MACROD2: variants seen among roughly 807,000 people sequenced by gnomAD.
MACROD2 encodes mono-ADP ribosylhydrolase 2, also known as ADP-ribose glycohydrolase MACROD2.
Under a neutral mutation model 70.4 loss-of-function variants are expected in MACROD2, and 36 were observed. That is an observed-to-expected ratio of 0.51 (90% CI 0.39 to 0.68). The LOEUF (loss-of-function observed/expected upper bound fraction) is 0.68, where lower values mean the gene tolerates loss of function less well. MACROD2 is among the 30% of genes least tolerant of loss of function. MACROD2 has a pLI of 0.00. For synonymous variants in MACROD2, 172 were observed against 178.8 expected, an observed-to-expected ratio of 0.96 and a Z score of 0.30; for missense variants, 496 against 538.4, an observed-to-expected ratio of 0.92 and a Z score of 0.78.
At chr20:15,745,028 G>C (rs1488895742) in intron 8 of MACROD2, among the ~76,000 whole-genome samples, 1 of 152,120 alleles carries the variant, frequency 6.6e-6, no homozygotes, top group African/African-American at 2.4e-5. Context: ...ACTTTCCCCA[G>C]TCAATATTAC....
chr20:14,485,083 C>T (rs1191145778), intron 3 of MACROD2, among the ~76,000 whole-genome samples: 1 of 151,842 alleles, frequency 6.6e-6, no homozygotes, highest in African/African-American at 2.4e-5. Context: ...AATTTACATT[C>T]CCACCAACAG....
intron 5 of MACROD2, among the ~76,000 whole-genome samples, chr20:15,149,258 C>G (rs543429349): frequency 6.6e-6 from 1 of 151,946 alleles, no homozygotes; most frequent in African/African-American, 2.4e-5. Context: ...TAGATTTCCA[C>G]GATGCAAAGG....
At chr20:15,270,285 C>T (rs1463375251) in intron 6 of MACROD2, among the ~76,000 whole-genome samples, 1 of 151,288 alleles carries the variant, frequency 6.6e-6, no homozygotes, top group Non-Finnish European at 1.5e-5. Flanking sequence ...GAATACTACA[C>T]AACAATAAAA....
chr20:14,447,492 C>T (rs535347118), intron 3 of MACROD2, among the ~76,000 whole-genome samples: 5 of 152,122 alleles, frequency 3.3e-5, no homozygotes, highest in South Asian at 4.1e-4. Context: ...TATGTGTGTA[C>T]GTACACGTGT....
chr20:15,121,085 A>T (rs568219957), intron 5 of MACROD2, among the ~76,000 whole-genome samples: 1 of 152,304 alleles, frequency 6.6e-6, no homozygotes, highest in South Asian at 2.1e-4. Context: ...ATTCCATTTG[A>T]TACAGCTATT....
intron 12 of MACROD2, among the ~76,000 whole-genome samples, chr20:15,955,331 A>G (rs2065961504): frequency 6.6e-6 from 1 of 152,196 alleles, no homozygotes. Context: ...TTTAGGTCCA[A>G]TCAACATAAA....
chr20:14,702,595 ATGTGTG>A (rs1204065747), intron 5 of MACROD2, among the ~76,000 whole-genome samples: 26 of 426 alleles, frequency 0.061, no homozygotes, highest in Non-Finnish European at 0.091. Flanking sequence ...ATGTATATAT[ATGTGTG>A]TATATATATG....
At chr20:15,850,319 G>A (rs1201803084) in intron 8 of MACROD2, among the ~76,000 whole-genome samples, 1 of 152,158 alleles carries the variant, frequency 6.6e-6, no homozygotes, top group African/African-American at 2.4e-5. Flanking sequence ...TCAGTCTTTG[G>A]TTGAGGCTGC....
intron 5 of MACROD2, among the ~76,000 whole-genome samples, chr20:15,020,961 AATGTGTGTATACATATACAC>A (rs939095595): frequency 0.01 from 1,538 of 149,954 alleles, 30 homozygotes; most frequent in African/African-American, 0.036. Context: ...ATATATATGT[AATGTGTGTATACATATACAC>A]ATGTGTGTAT....
chr20:15,812,681 G>T (rs752098693), intron 8 of MACROD2, among the ~76,000 whole-genome samples: 2 of 152,166 alleles, frequency 1.3e-5, no homozygotes, highest in Non-Finnish European at 2.9e-5. Flanking sequence ...ATTTTAGCTA[G>T]GTATTCAATT....
intron 5 of MACROD2, among the ~76,000 whole-genome samples, chr20:14,962,828 A>G (rs1056762260): frequency 6.6e-6 from 1 of 151,560 alleles, no homozygotes; most frequent in African/African-American, 2.4e-5. Flanking sequence ...CACCTACTAA[A>G]ATAGTATTTA....
At chr20:15,275,589 G>A (rs1014126195) in intron 6 of MACROD2, among the ~76,000 whole-genome samples, 4 of 152,180 alleles carry the variant, frequency 2.6e-5, no homozygotes, top group Non-Finnish European at 5.9e-5. Flanking sequence ...ATCCTCCTCT[G>A]TTGAATAAGC....
intron 3 of MACROD2, among the ~76,000 whole-genome samples, chr20:14,098,625 T>A (rs1336868847): frequency 6.6e-6 from 1 of 152,196 alleles, no homozygotes; most frequent in Non-Finnish European, 1.5e-5. Context: ...TTTATTCACC[T>A]CTACTTGCTT....
chr20:14,537,860 C>T (rs1178504212), intron 4 of MACROD2, among the ~76,000 whole-genome samples: 8 of 152,170 alleles, frequency 5.3e-5, no homozygotes, highest in Non-Finnish European at 1.5e-5. Context: ...CAGTCTTCCT[C>T]AGGATACAGA....
chr20:14,658,040 C>T (rs187711264), intron 4 of MACROD2, among the ~76,000 whole-genome samples: 17 of 149,892 alleles, frequency 1.1e-4, no homozygotes, highest in African/African-American at 3.4e-4. Context: ...TTTGTAGTAA[C>T]TGCATTGCAG....
At chr20:14,389,421 C>CAA (rs4052956) in intron 3 of MACROD2, among the ~76,000 whole-genome samples, 28,628 of 89,944 alleles carry the variant, frequency 0.32, 5,324 homozygotes, top group Admixed American at 0.38. Context: ...GACTTGGTCT[C>CAA]AAAAAAAAAA....
chr20:14,072,242 T>C (rs2053854697), intron 2 of MACROD2, among the ~76,000 whole-genome samples: 3 of 152,092 alleles, frequency 2.0e-5, no homozygotes, highest in African/African-American at 7.2e-5. Flanking sequence ...GTAATGCTTT[T>C]TCTTGGTGTG....
chr20:14,312,209 C>T (rs945889889), intron 3 of MACROD2, among the ~76,000 whole-genome samples: 1 of 152,148 alleles, frequency 6.6e-6, no homozygotes, highest in African/African-American at 2.4e-5. Context: ...CCAGGCCTCA[C>T]CCCTCCACCC....
At chr20:14,602,805 C>A (rs527668144) in intron 4 of MACROD2, among the ~76,000 whole-genome samples, 2 of 152,284 alleles carry the variant, frequency 1.3e-5, no homozygotes, top group Admixed American at 6.5e-5. Context: ...GACATCTTCC[C>A]CTTCTTGCTG....
Sources: gnomAD v4.1 joint callset for allele counts (sites outside exome capture counted in the v4.1 genomes callset) on GRCh38, gnomAD v4.1.1 for gene constraint, MANE v1.5 for transcripts, NCBI Gene and HGNC (gene_info 2026-07-23, HGNC 2026-07-21) for gene names.